The following PKHD1L1 variants were observed in gnomAD, a reference collection of about 807,000 sequenced individuals.
PKHD1L1 encodes the protein fibrocystin-L.
A neutral mutation model predicts 462.9 loss-of-function variants in PKHD1L1; 434 were observed. The ratio of observed to expected loss-of-function variants is 0.94; its 90% CI spans 0.87 to 1.02. The LOEUF is 1.02. Ranked by LOEUF, PKHD1L1 falls within the 50% of genes least tolerant of loss-of-function variation. PKHD1L1 has a pLI of 0.00. For missense variants in PKHD1L1, 5,202 were observed against 5,096.1 expected, an observed-to-expected ratio of 1.02 and a Z score of -0.63; for synonymous variants, 1,781 against 1,750.0, an observed-to-expected ratio of 1.02 and a Z score of -0.44.
intron 9 of PKHD1L1, 30 bp downstream of exon 9, chr8:109,390,524 T>C: frequency 8.0e-7 from 1 of 1,252,936 alleles, no homozygotes; most frequent in Non-Finnish European, 1.1e-6. Flanking sequence ...ATAACTTTTA[T>C]AATTGATTCA....
chr8:109,436,326 T>A lies in PKHD1L1; in HGVS notation c.3506-12T>A, dbSNP rs1406503743. 10 of 1,599,396 alleles carry A rather than the reference T, an allele frequency of 6.3e-6. No individual in the cohort carries two copies. The highest frequency in any genetic ancestry group is 5.3e-5 in the Admixed American group (3 of 56,274). Reference sequence around the variant, plus strand: ...TGTTTTGTTGTTGTTTTTGTTTGCTTTTCTTATGAAGGTGGTACTCTACTG... The same window carrying A: ...TGTTTTGTTGTTGTTTTTGTTTGCTATTCTTATGAAGGTGGTACTCTACTG... On this transcript the variant is annotated splice_polypyrimidine_tract_variant and intron_variant, in intron 29 of 77. Transcript: ENST00000378402.
intron 48 of PKHD1L1, 94 bp from the exon 49 acceptor site, chr8:109,464,122 A>T: frequency 1.2e-6 from 1 of 801,134 alleles, no homozygotes; most frequent in Non-Finnish European, 1.7e-6. Context: ...AAATATATTA[A>T]TAATAATATA....
intron 51 of PKHD1L1, 123 bp downstream of exon 51, chr8:109,475,392 A>G (rs1239104108): frequency 1.2e-6 from 1 of 828,480 alleles, no homozygotes; most frequent in African/African-American, 1.8e-5. Context: ...AGCTATTGAA[A>G]TCCTGCACAT....
At chr8:109,470,359 T>C (rs1336886739) in intron 50 of PKHD1L1, 3 of 1,552,342 alleles carry the variant, frequency 1.9e-6, no homozygotes, top group African/African-American at 2.7e-5. Context: ...TAACCATTAC[T>C]ATGAACCCAA....
At chr8:109,511,754 C>T (rs1436551676) in intron 71 of PKHD1L1, among the ~76,000 whole-genome samples, 3 of 152,048 alleles carry the variant, frequency 2.0e-5, no homozygotes, top group Non-Finnish European at 1.5e-5. Context: ...GTTCTAGATC[C>T]CTGAGGAATC....
Position 109,438,390 on chromosome 8 carries a change from T to C in PKHD1L1, c.3694T>C (p.Phe1232Leu). 6.5e-7 allele frequency: 1 copy of C among 1,541,260 alleles called. No individual in the cohort carries two copies. The highest frequency in any genetic ancestry group is 8.8e-7 in the Non-Finnish European group (1 of 1,138,996). Residue 1232 changes from phenylalanine (F) to leucine (L), a missense_variant, in exon 31 of 78, where the codon TTT (phenylalanine) becomes CTT (leucine). Transcript: ENST00000378402. ...NGFQATARDA[F>L]SYNCLQTPII... ...ATTTCAAGCCACAGCAAGGGATGCT[T>C]TTAGTTATAATTGTTTACAGACACC...
At position 109,364,632 on chromosome 8, in the gene PKHD1L1, G is replaced by A. The variant is rs7008687; in HGVS notation, c.159G>A (p.Gly53=). Residue 53 remains glycine, a synonymous_variant, in exon 2 of 78, where the codon GGG becomes GGA. Coordinates refer to ENST00000378402, the MANE Select transcript of PKHD1L1 (RefSeq NM_177531.6). ...GAGCAACAAGGCTGACTATAAGAGG[G>A]GAAGGTATCGTTGCTTTTTTTTTTT... The part of the protein sequence containing the change: ...INGATRLTIR[G]EGFSQANQFN... The A allele has an allele frequency of 0.21, 312,563 of 1,504,944 alleles. 36,610 individuals are homozygous for A. Among genetic ancestry groups the A allele is most frequent in the African/African-American group, 0.4 (27,775 of 69,772 alleles). The allele number at this position is 1,504,944 out of a possible 1,614,324, so 93.2% of individuals were successfully genotyped here.
chr8:109,381,877 A>G (rs1358159807), intron 3 of PKHD1L1, among the ~76,000 whole-genome samples: 2 of 152,176 alleles, frequency 1.3e-5, no homozygotes, highest in African/African-American at 4.8e-5. Flanking sequence ...TATAGTCATT[A>G]AGATTAAATA....
intron 2 of PKHD1L1, among the ~76,000 whole-genome samples, chr8:109,365,768 G>A (rs1177113168): frequency 2.0e-5 from 3 of 152,210 alleles, no homozygotes; most frequent in Non-Finnish European, 4.4e-5. Context: ...GAGGTCAGGA[G>A]ATGGAGACAA....
intron 14 of PKHD1L1, among the ~76,000 whole-genome samples, chr8:109,401,921 CA>C (rs1370371924): frequency 6.6e-6 from 1 of 152,128 alleles, no homozygotes; most frequent in Non-Finnish European, 1.5e-5. Context: ...CTGAGCTCTT[CA>C]GTATTGCTAG....
chr8:109,471,104 A>C, intron 50 of PKHD1L1: 3 of 1,516,262 alleles, frequency 2.0e-6, no homozygotes, highest in Middle Eastern at 2.4e-4. Context: ...CAGCATCTGA[A>C]ACATCTAAAC....
In PKHD1L1 at chr8:109,429,401, GT is replaced by G; in HGVS notation, c.3063del (p.Gly1022AlafsTer47). The G allele has an allele frequency of 6.3e-7, 1 of 1,596,046 alleles. No individual in the cohort carries two copies. Among genetic ancestry groups the G allele is most frequent in the Non-Finnish European group, 8.6e-7 (1 of 1,167,588 alleles). ...ANMTVTRIKE[G>X]GLFRQHVLGD... ...ATGACAGTTACAAGGATAAAGGAAG[GT>G]GGCTTATTCAGACAACATGTACTTG... is the stretch of plus-strand genomic sequence containing the variant. On this transcript the variant is annotated frameshift_variant, in exon 26 of 78. Transcript: ENST00000378402. LOFTEE classifies it high-confidence loss of function.
intron 71 of PKHD1L1, among the ~76,000 whole-genome samples, chr8:109,512,706 A>G (rs1213634308): frequency 5.0e-4 from 76 of 152,222 alleles, no homozygotes; most frequent in Non-Finnish European, 3.1e-4. Flanking sequence ...TATGAACTTT[A>G]AAGTAGTTTT....
chr8:109,392,966 T>A (rs1290176206), intron 9 of PKHD1L1, among the ~76,000 whole-genome samples: 1 of 152,164 alleles, frequency 6.6e-6, no homozygotes, highest in African/African-American at 2.4e-5. Flanking sequence ...AATGAATTAG[T>A]GAAAATAACC....
In PKHD1L1 at chr8:109,495,447, T is replaced by G. The variant is rs1295280946; in HGVS notation, c.10328-1472T>G. Reference sequence around the variant, plus strand: ...GACTATTTATAAGGAGATTTTGGAGTTATAGCAACTGAAATATGAAACATC... The same window carrying G: ...GACTATTTATAAGGAGATTTTGGAGGTATAGCAACTGAAATATGAAACATC... On this transcript the variant is annotated intron_variant, in intron 63 of 77. Coordinates refer to ENST00000378402, the MANE Select transcript of PKHD1L1 (RefSeq NM_177531.6). Among the ~76,000 whole-genome samples the G allele has an allele frequency of 2.6e-5, 4 of 152,090 alleles. No homozygotes were observed. In the East Asian group the frequency reaches 7.7e-4, roughly 29 times the overall value.
Position 109,484,190 on chromosome 8 carries a change from T to TTTTTA in PKHD1L1, c.9577-850_9577-846dup, listed in dbSNP as rs778960933. On this transcript the variant is annotated intron_variant, in intron 57 of 77. Coordinates refer to ENST00000378402, the MANE Select transcript of PKHD1L1 (RefSeq NM_177531.6). ...AGTATTATCATCTACTTACAATATGTTTTTATTTGTGATAGTTCTGGTGTG... is the reference window on the plus strand; with the variant it reads ...AGTATTATCATCTACTTACAATATGTTTTTATTTTATTTGTGATAGTTCTGGTGTG... Among the ~76,000 whole-genome samples, 62 of 151,906 alleles carry TTTTTA rather than the reference T, an allele frequency of 4.1e-4. 2 individuals are homozygous for TTTTTA. Among genetic ancestry groups the TTTTTA allele is most frequent in the Non-Finnish European group, 7.4e-5 (5 of 67,874 alleles).
intron 45 of PKHD1L1, 74 bp downstream of exon 45, chr8:109,454,926 T>A (rs1035007522): frequency 1.4e-6 from 2 of 1,476,696 alleles, no homozygotes; most frequent in African/African-American, 2.8e-5. Context: ...TATCCTGTGA[T>A]AATTATAATT....
chr8:109,406,967 G>C (rs979756977), intron 17 of PKHD1L1, among the ~76,000 whole-genome samples: 2 of 151,864 alleles, frequency 1.3e-5, no homozygotes, highest in African/African-American at 4.8e-5. Context: ...ATTTACCTGT[G>C]TTTAATGCAA....
Position 109,364,554 on chromosome 8 carries a change from T to G in PKHD1L1, c.81T>G (p.Ser27=). Residue 27 remains serine (S), a synonymous_variant, in exon 2 of 78, where the codon TCT becomes TCG. Coordinates refer to ENST00000378402, the MANE Select transcript of PKHD1L1 (RefSeq NM_177531.6). The part of the protein sequence containing the change: ...LCAADPSTDG[S]QIIPKVTEII... ...TATTTTAATATTTTTCAGATGGCTC[T>G]CAAATAATCCCCAAAGTCACAGAAA... is the stretch of plus-strand genomic sequence containing the variant. 6.3e-7 allele frequency: 1 copy of G among 1,587,672 alleles called. No homozygotes were observed. Among genetic ancestry groups the G allele is most frequent in the Admixed American group, 1.7e-5 (1 of 58,324 alleles).
Sources: allele counts gnomAD v4.1 joint callset (sites outside exome capture counted in the v4.1 genomes callset), GRCh38; gene constraint gnomAD v4.1.1; transcripts MANE v1.5; gene names NCBI Gene and HGNC (gene_info 2026-07-23, HGNC 2026-07-21).